The following AP4S1 variants were observed in gnomAD, a reference collection of about 807,000 sequenced individuals.
AP4S1 encodes the protein adaptor related protein complex 4 subunit sigma 1.
Under a neutral mutation model 19.8 loss-of-function variants are expected in AP4S1, and 23 were observed. The ratio of observed to expected loss-of-function variants is 1.16; its 90% CI spans 0.84 to 1.65. AP4S1 has a LOEUF of 1.65. AP4S1 is among the 40% of genes most tolerant of loss of function. The probability of loss-of-function intolerance (pLI) is 0.00; values close to 1 mark genes in which losing one functional copy is unlikely to be tolerated. For synonymous variants in AP4S1, 46 were observed against 54.1 expected, an observed-to-expected ratio of 0.85 and a Z score of 0.66; for missense variants, 166 against 172.8, an observed-to-expected ratio of 0.96 and a Z score of 0.22.
intron 4 of AP4S1, among the ~76,000 whole-genome samples, chr14:31,080,169 A>G (rs995101037): frequency 2.6e-5 from 4 of 152,200 alleles, no homozygotes; most frequent in African/African-American, 9.7e-5. Context: ...TACCCTGAAT[A>G]TCCTGTCATA....
chr14:31,031,652 CTG>C (rs1884395082), intron 1 of AP4S1, among the ~76,000 whole-genome samples: 1 of 152,198 alleles, frequency 6.6e-6, no homozygotes, highest in Non-Finnish European at 1.5e-5. Flanking sequence ...TGATGACACT[CTG>C]GAGAGAGCTT....
In AP4S1 at chr14:31,092,626, A is replaced by G. The variant is rs114787150; in HGVS notation, c.307-281A>G. Among the ~76,000 whole-genome samples the G allele has an allele frequency of 5.3e-3, 801 of 152,314 alleles. 9 individuals are homozygous for G. The highest frequency in any genetic ancestry group is 0.018 in the African/African-American group (752 of 41,570). ...GCCACATGACACTGCTGTGTTCTCT[A>G]GCACTTAGTAGACCCCCTATCCCTT... On this transcript the variant is annotated intron_variant, in intron 5 of 5. Transcript: ENST00000542754.
Position 31,084,692 on chromosome 14 carries a change from G to A in AP4S1, c.306+4108G>A, listed in dbSNP as rs1887834410. On this transcript the variant is annotated intron_variant, in intron 5 of 5. Coordinates refer to ENST00000542754, the MANE Select transcript of AP4S1 (RefSeq NM_001128126.3). ...AGATTTGTGAAGCCTGTTTCTACAG[G>A]GAGACTTTGCCCCATCACATACCTT... is the stretch of plus-strand genomic sequence containing the variant. The A allele has an allele frequency of 6.9e-6, 11 of 1,600,540 alleles. 1 individual carries two copies. In the South Asian group the frequency reaches 1.1e-4, roughly 16 times the overall value.
chr14:31,044,551 T>G (rs993753692), intron 1 of AP4S1, among the ~76,000 whole-genome samples: 1 of 151,962 alleles, frequency 6.6e-6, no homozygotes, highest in African/African-American at 2.4e-5. Context: ...TCTTGCTATG[T>G]TGCCTAGTCT....
At chr14:31,055,237 G>A (rs1443092803) in intron 1 of AP4S1, among the ~76,000 whole-genome samples, 2 of 151,928 alleles carry the variant, frequency 1.3e-5, no homozygotes, top group African/African-American at 4.8e-5. Flanking sequence ...TCTGGTAGGA[G>A]ATCTCAACAT....
At chr14:31,075,756 T>TG (rs1887320838) in intron 4 of AP4S1, among the ~76,000 whole-genome samples, 1 of 151,648 alleles carries the variant, frequency 6.6e-6, no homozygotes, top group Non-Finnish European at 1.5e-5. Flanking sequence ...TTTTTTTTTT[T>TG]GAGACGGAGT....
intron 5 of AP4S1, chr14:31,084,791 A>G (rs1375901700): frequency 2.5e-6 from 4 of 1,614,008 alleles, no homozygotes; most frequent in Non-Finnish European, 3.4e-6. Context: ...GAACTTCCCA[A>G]AATATGCTCA....
intron 1 of AP4S1, among the ~76,000 whole-genome samples, chr14:31,048,981 C>T (rs1371041945): frequency 6.6e-6 from 1 of 151,968 alleles, no homozygotes; most frequent in Non-Finnish European, 1.5e-5. Flanking sequence ...TGTCCAGGCA[C>T]AGTGGCTCAC....
chr14:31,032,012 A>G (rs1884418952), intron 1 of AP4S1, among the ~76,000 whole-genome samples: 1 of 151,032 alleles, frequency 6.6e-6, no homozygotes, highest in African/African-American at 2.4e-5. Flanking sequence ...TTGAGTCTGC[A>G]GTGAGCTATG....
intron 1 of AP4S1, among the ~76,000 whole-genome samples, chr14:31,060,111 T>C (rs1340690247): frequency 6.6e-6 from 1 of 150,794 alleles, no homozygotes; most frequent in Non-Finnish European, 1.5e-5. Context: ...TATATCATAA[T>C]GTTGTTTCTA....
At chr14:31,039,885 G>A (rs1031482990) in intron 1 of AP4S1, among the ~76,000 whole-genome samples, 31 of 152,046 alleles carry the variant, frequency 2.0e-4, no homozygotes, top group South Asian at 4.1e-4. Flanking sequence ...CACCGCGCCC[G>A]GCCAATAGGT....
At chr14:31,075,741 A>ATT (rs199770029) in intron 4 of AP4S1, among the ~76,000 whole-genome samples, 2,043 of 143,056 alleles carry the variant, frequency 0.014, 56 homozygotes, top group East Asian at 0.11. Flanking sequence ...GGATATACCA[A>ATT]TTTTTTTTTT....
chr14:31,064,254 T>C (rs1886595958), intron 1 of AP4S1, among the ~76,000 whole-genome samples: 1 of 152,062 alleles, frequency 6.6e-6, no homozygotes, highest in Non-Finnish European at 1.5e-5. Context: ...TATCTTCTTT[T>C]CTTTTTCTTT....
In AP4S1 at chr14:31,069,892, C is replaced by T. The variant is rs998242922; in HGVS notation, c.188C>T (p.Ala63Val). The T allele has an allele frequency of 6.2e-7, 1 of 1,613,432 alleles. No homozygotes were observed. The change falls in exon 3 of 6, where the codon GCA becomes GTA. Residue 63 changes from alanine (A) to valine (V), a missense_variant. Ala to Val is a moderately conservative substitution (Grantham distance 64). Coordinates refer to ENST00000542754, the MANE Select transcript of AP4S1 (RefSeq NM_001128126.3). ...TTTAAGCTGATATATCGGCAGTATG[C>T]AGCTCTCTTCATTGTGGTTGGAGTT... ...KDFKLIYRQY[A>V]ALFIVVGVND...
At chr14:31,056,933 G>T (rs1364475996) in intron 1 of AP4S1, among the ~76,000 whole-genome samples, 1 of 152,138 alleles carries the variant, frequency 6.6e-6, no homozygotes, top group African/African-American at 2.4e-5. Flanking sequence ...AGTTAGCTGG[G>T]CATGGTGGTG....
chr14:31,047,203 T>C (rs1391288576), intron 1 of AP4S1, among the ~76,000 whole-genome samples: 1 of 152,196 alleles, frequency 6.6e-6, no homozygotes, highest in Non-Finnish European at 1.5e-5. Context: ...GTTGCTTGTC[T>C]TCCTGTTAAG....
chr14:31,058,275 T>C (rs1002156198), intron 1 of AP4S1, among the ~76,000 whole-genome samples: 5 of 152,114 alleles, frequency 3.3e-5, no homozygotes, highest in Admixed American at 3.3e-4. Context: ...CTTAAAAGCA[T>C]GTTCATGCTA....
intron 1 of AP4S1, among the ~76,000 whole-genome samples, chr14:31,047,449 G>A (rs1429703180): frequency 4.7e-5 from 7 of 147,966 alleles, no homozygotes; most frequent in South Asian, 2.1e-4. Flanking sequence ...GTGCAGTGGC[G>A]CGATCTTGAC....
intron 1 of AP4S1, among the ~76,000 whole-genome samples, chr14:31,058,086 GT>G (rs11318052): frequency 0.78 from 118,551 of 151,702 alleles, 46,578 homozygotes; most frequent in Admixed American, 0.82. Flanking sequence ...CCCAGCTCTT[GT>G]TTTTTCGCTT....
Sources: allele counts gnomAD v4.1 joint callset (sites outside exome capture counted in the v4.1 genomes callset), GRCh38; gene constraint gnomAD v4.1.1; transcripts MANE v1.5; gene names NCBI Gene and HGNC (gene_info 2026-07-23, HGNC 2026-07-21).